Variants in SNRK observed in about 807,000 individuals in gnomAD.
SNRK encodes the protein SNF related kinase.
Under a neutral mutation model 48.2 loss-of-function variants are expected in SNRK, and 3 were observed. That is an observed-to-expected ratio of 0.06 (90% CI 0.03 to 0.16). The LOEUF (loss-of-function observed/expected upper bound fraction) is 0.16, where lower values mean the gene tolerates loss of function less well. SNRK is among the 10% of genes least tolerant of loss of function. The pLI is 1.00. For synonymous variants in SNRK, 376 were observed against 366.1 expected (o/e 1.03, Z -0.31); for missense variants, 627 against 976.0 (o/e 0.64, Z 4.76).
intron 1 of SNRK, among the ~76,000 whole-genome samples, chr3:43,289,092 A>G (rs1188221074): frequency 6.6e-6 from 1 of 152,234 alleles, no homozygotes; most frequent in Non-Finnish European, 1.5e-5. Flanking sequence ...GCTACTGGGG[A>G]ACACCAAGGT....
At chr3:43,321,544 C>G (rs1296694984) in intron 3 of SNRK, among the ~76,000 whole-genome samples, 2 of 152,102 alleles carry the variant, frequency 1.3e-5, no homozygotes, top group Non-Finnish European at 2.9e-5. Context: ...CACTCAGACC[C>G]TTATTTAGTT....
At chr3:43,318,104 G>C (rs2091026848) in intron 3 of SNRK, among the ~76,000 whole-genome samples, 1 of 152,034 alleles carries the variant, frequency 6.6e-6, no homozygotes, top group Non-Finnish European at 1.5e-5. Context: ...TTCCTTTCCT[G>C]CCTCTTTCTC....
intron 1 of SNRK, among the ~76,000 whole-genome samples, chr3:43,287,124 G>A (rs529989541): frequency 2.6e-5 from 4 of 151,672 alleles, no homozygotes; most frequent in Admixed American, 2.6e-4. Flanking sequence ...CCTTTCAGAA[G>A]ACTGTAGAAA....
intron 1 of SNRK, among the ~76,000 whole-genome samples, chr3:43,297,979 G>T (rs2125616187): frequency 6.6e-6 from 1 of 152,186 alleles, no homozygotes; most frequent in African/African-American, 2.4e-5. Flanking sequence ...GCTTGAAGTA[G>T]GGTCAGCAAC....
chr3:43,336,847 G>A (rs1337929679), intron 4 of SNRK, among the ~76,000 whole-genome samples: 4 of 152,076 alleles, frequency 2.6e-5, no homozygotes, highest in African/African-American at 9.7e-5. Flanking sequence ...TGCCTCCCAG[G>A]TTCAAGTGAT....
At chr3:43,329,315 G>C (rs2091127780) in intron 3 of SNRK, among the ~76,000 whole-genome samples, 1 of 152,104 alleles carries the variant, frequency 6.6e-6, no homozygotes, top group Non-Finnish European at 1.5e-5. Flanking sequence ...GCGGGTGCCT[G>C]TAGTACTAGC....
At chr3:43,324,087 A>G (rs767080168) in intron 3 of SNRK, among the ~76,000 whole-genome samples, 2 of 152,348 alleles carry the variant, frequency 1.3e-5, no homozygotes, top group East Asian at 3.9e-4. Context: ...CCTTAAAGAA[A>G]TTAGGGAAAA....
chr3:43,295,183 T>C (rs1474103543), intron 1 of SNRK, among the ~76,000 whole-genome samples: 1 of 152,212 alleles, frequency 6.6e-6, no homozygotes, highest in Non-Finnish European at 1.5e-5. Flanking sequence ...TCTCTACAAA[T>C]ACTAAGTACT....
Position 43,347,368 on chromosome 3 carries a change from C to T in SNRK, c.1109C>T (p.Pro370Leu). The T allele has an allele frequency of 6.3e-7, 1 of 1,595,214 alleles. No individual in the cohort carries two copies. The highest frequency in any genetic ancestry group is 8.5e-7 in the Non-Finnish European group (1 of 1,170,738). ...TCATGGCCAACCAAAATTGATGTAC[C>T]CCAGGACCTTGAGGATGACCTCACG... ...RQSWPTKIDV[P>L]QDLEDDLTAT... Residue 370 changes from proline (P) to leucine (L), a missense_variant, in exon 7 of 7, where the codon CCC becomes CTC. Transcript: ENST00000296088. This position sits in a 1 kb window ranked among gnomAD's most constrained non-coding sequence, Gnocchi z 5.4.
intron 1 of SNRK, among the ~76,000 whole-genome samples, chr3:43,294,020 TAGC>T (rs1218490147): frequency 1.1e-4 from 16 of 152,248 alleles, no homozygotes; most frequent in African/African-American, 2.9e-4. Context: ...TGAAATGTAG[TAGC>T]CTCAAAATAT....
At chr3:43,304,409 G>A (rs1380567845) in intron 3 of SNRK, among the ~76,000 whole-genome samples, 1 of 152,174 alleles carries the variant, frequency 6.6e-6, no homozygotes, top group Non-Finnish European at 1.5e-5. Context: ...GAGGCTTTCT[G>A]TATGGTGGAT....
intron 1 of SNRK, among the ~76,000 whole-genome samples, chr3:43,286,969 T>G (rs2090769791): frequency 7.1e-6 from 1 of 140,930 alleles, no homozygotes; most frequent in African/African-American, 2.5e-5. Context: ...CTGGAGGCCC[T>G]GCCCTTGCGG....
intron 6 of SNRK, among the ~76,000 whole-genome samples, chr3:43,344,563 G>A (rs895733711): frequency 3.9e-5 from 6 of 152,116 alleles, no homozygotes; most frequent in Admixed American, 3.9e-4. Flanking sequence ...AGAGTAGGGG[G>A]AGGAAAACAT....
chr3:43,294,544 A>T (rs2090837819), intron 1 of SNRK, among the ~76,000 whole-genome samples: 1 of 152,204 alleles, frequency 6.6e-6, no homozygotes, highest in South Asian at 2.1e-4. Context: ...CAGATTTTGG[A>T]GCATTTTGGA....
chr3:43,332,114 A>G, intron 3 of SNRK, 55 bp from the exon 4 acceptor site: 11 of 1,285,700 alleles, frequency 8.6e-6, no homozygotes, highest in Non-Finnish European at 1.1e-5. Flanking sequence ...CGCACTTTTA[A>G]TGTTTTTGGT....
intron 1 of SNRK, among the ~76,000 whole-genome samples, chr3:43,290,482 C>G (rs1218658043): frequency 6.6e-6 from 1 of 152,210 alleles, no homozygotes. Context: ...GGATTTCTCC[C>G]TTTGCTTAGC....
intron 1 of SNRK, among the ~76,000 whole-genome samples, chr3:43,299,370 G>C (rs2090881408): frequency 6.6e-6 from 1 of 152,110 alleles, no homozygotes; most frequent in South Asian, 2.1e-4. Context: ...TAGAGACGGG[G>C]TTTCACCATA....
intron 6 of SNRK, among the ~76,000 whole-genome samples, chr3:43,344,137 A>G (rs1166476790): frequency 6.6e-6 from 1 of 152,004 alleles, no homozygotes; most frequent in Admixed American, 6.6e-5. Flanking sequence ...TGCTGGGAAT[A>G]TTTTACCACC....
chr3:43,336,926 G>T (rs1360968968), intron 4 of SNRK, among the ~76,000 whole-genome samples: 1 of 151,904 alleles, frequency 6.6e-6, no homozygotes, highest in Admixed American at 6.6e-5. Flanking sequence ...CTAATTTTTT[G>T]TATTTTTAGT....
Sources: allele counts gnomAD v4.1 joint callset (sites outside exome capture counted in the v4.1 genomes callset), GRCh38; gene constraint gnomAD v4.1.1; non-coding constraint Gnocchi (gnomAD v3.1); transcripts MANE v1.5; gene names NCBI Gene and HGNC (gene_info 2026-07-23, HGNC 2026-07-21).